Variants in NLRP11 observed in about 807,000 individuals in gnomAD.
NLRP11 encodes NLR family pyrin domain containing 11.
A neutral mutation model predicts 79.3 loss-of-function variants in NLRP11; 53 were observed. That is an observed-to-expected ratio of 0.67 (90% CI 0.54 to 0.84). The LOEUF (loss-of-function observed/expected upper bound fraction) is 0.84, where lower values mean the gene tolerates loss of function less well. NLRP11 is among the 40% of genes least tolerant of loss of function. NLRP11 has a pLI of 0.00. For synonymous variants in NLRP11, 518 were observed against 462.6 expected, an observed-to-expected ratio of 1.12 and a Z score of -1.54; for missense variants, 1,264 against 1,255.0, an observed-to-expected ratio of 1.01 and a Z score of -0.11.
At chr19:55,794,781 G>A (rs299187) in intron 6 of NLRP11, among the ~76,000 whole-genome samples, 113,794 of 151,880 alleles carry the variant, frequency 0.75, 42,887 homozygotes, top group Admixed American at 0.78. Flanking sequence ...ATAAATAAAA[G>A]CATACATAAT....
upstream of NLRP11, among the ~76,000 whole-genome samples, chr19:55,836,064 C>G (rs1233064903): frequency 1.3e-5 from 2 of 152,206 alleles, no homozygotes; most frequent in Admixed American, 1.3e-4. Flanking sequence ...GTGGAGGTTA[C>G]AGTGGGCCGA....
chr19:55,797,794 G>C (rs1979071329), intron 5 of NLRP11, among the ~76,000 whole-genome samples: 2 of 152,126 alleles, frequency 1.3e-5, no homozygotes, highest in Non-Finnish European at 1.5e-5. Flanking sequence ...ACAGAAACTT[G>C]AGAGAAGAGG....
At chr19:55,808,917 G>C (rs773504710) in exon 3 of NLRP11, 5 of 1,613,908 alleles carry the variant, frequency 3.1e-6, no homozygotes, top group Middle Eastern at 1.6e-4. Context: ...ACCTCCATGA[G>C]AGCATCCACA....
At chr19:55,792,941 T>C (rs893179108) in intron 6 of NLRP11, among the ~76,000 whole-genome samples, 2 of 152,234 alleles carry the variant, frequency 1.3e-5, no homozygotes, top group African/African-American at 4.8e-5. Flanking sequence ...TTTTGTGGTA[T>C]CCCGTTTTGT....
At position 55,831,368 on chromosome 19, in the gene NLRP11, C is replaced by A. The variant is rs1982772483; in HGVS notation, c.-63+595G>T. On this transcript the variant is annotated intron_variant, in intron 1 of 9. Transcript: ENST00000589093. Reference sequence around the variant, plus strand: ...CTTGAGGTCAGGAGTTCGAGACCAGCCTAGACAACATGGCGAAACCCCATC... The same window carrying A: ...CTTGAGGTCAGGAGTTCGAGACCAGACTAGACAACATGGCGAAACCCCATC... 4.6e-5 allele frequency among the ~76,000 whole-genome samples: 7 copies of A among 151,650 alleles called. No individual in the cohort carries two copies. In the South Asian group the frequency reaches 1.5e-3, roughly 32 times the overall value.
intron 7 of NLRP11, 45 bp downstream of exon 7, chr19:55,792,256 A>G: frequency 6.4e-7 from 1 of 1,558,440 alleles, no homozygotes; most frequent in Middle Eastern, 1.7e-4. Flanking sequence ...CCAAGCCCTC[A>G]TGCAGTAGAA....
chr19:55,822,219 G>C (rs1981811980), intron 1 of NLRP11, among the ~76,000 whole-genome samples: 1 of 152,174 alleles, frequency 6.6e-6, no homozygotes, highest in Non-Finnish European at 1.5e-5. Context: ...AGCTGAGATA[G>C]TGCCACTGCA....
At chr19:55,802,770 A>G (rs1412457931) in intron 4 of NLRP11, among the ~76,000 whole-genome samples, 1 of 152,228 alleles carries the variant, frequency 6.6e-6, no homozygotes, top group African/African-American at 2.4e-5. Context: ...CAACTATACT[A>G]TAGGGCTATG....
intron 7 of NLRP11, 95 bp downstream of exon 7, chr19:55,792,206 G>T: frequency 9.6e-7 from 1 of 1,036,744 alleles, no homozygotes; most frequent in Non-Finnish European, 1.5e-6. Context: ...CACCCATGAT[G>T]CCATCACTGG....
At chr19:55,807,289 A>G (rs925408561) in intron 4 of NLRP11, among the ~76,000 whole-genome samples, 1 of 152,050 alleles carries the variant, frequency 6.6e-6, no homozygotes, top group African/African-American at 2.4e-5. Context: ...GCTATTATAA[A>G]CTCAGATAAA....
chr19:55,829,135 T>C (rs1982503428), intron 1 of NLRP11, among the ~76,000 whole-genome samples: 1 of 152,122 alleles, frequency 6.6e-6, no homozygotes, highest in South Asian at 2.1e-4. Flanking sequence ...AACAGTGTTT[T>C]GCCTTTTGAG....
chr19:55,810,390 G>C, intron 2 of NLRP11, 52 bp from the exon 3 acceptor site: 1 of 1,513,628 alleles, frequency 6.6e-7, no homozygotes, highest in African/African-American at 1.4e-5. Flanking sequence ...GAAAGTTCAA[G>C]ATGTAAAAAC....
rs1415652055 is a variant in NLRP11, at chr19:55,810,451, C to T, written c.272-113G>A. 5 of 829,358 alleles carry T rather than the reference C, an allele frequency of 6.0e-6. No individual in the cohort carries two copies. In the East Asian group the frequency reaches 1.1e-4, roughly 17 times the overall value. The allele number at this position is 829,358 out of a possible 1,614,324, so 51.4% of individuals were successfully genotyped here. Reference sequence around the variant, plus strand: ...AGTAAAAATATAGTAGAAATTTTTACTTACTACTGCTTATCACAAAGATAT... The same window carrying T: ...AGTAAAAATATAGTAGAAATTTTTATTTACTACTGCTTATCACAAAGATAT... On this transcript the variant is annotated intron_variant, in intron 2 of 9. Coordinates refer to ENST00000589093, the Ensembl canonical transcript of NLRP11.
intron 3 of NLRP11, among the ~76,000 whole-genome samples, chr19:55,808,384 T>C (rs1220232814): frequency 6.6e-6 from 1 of 152,222 alleles, no homozygotes; most frequent in East Asian, 1.9e-4. Flanking sequence ...GAAATTAGGT[T>C]AAACCACTGG....
At chr19:55,790,037 G>A (rs1036137479) in intron 7 of NLRP11, among the ~76,000 whole-genome samples, 10 of 152,036 alleles carry the variant, frequency 6.6e-5, no homozygotes, top group African/African-American at 2.4e-4. Flanking sequence ...GCTCTGCACC[G>A]ACTATTCATT....
intron 1 of NLRP11, among the ~76,000 whole-genome samples, chr19:55,819,524 T>C (rs929843335): frequency 6.6e-6 from 1 of 152,032 alleles, no homozygotes; most frequent in Non-Finnish European, 1.5e-5. Context: ...CCCAACACAG[T>C]CAAGGCTCTC....
intron 5 of NLRP11, among the ~76,000 whole-genome samples, chr19:55,798,503 C>T (rs541072763): frequency 5.9e-5 from 9 of 151,920 alleles, no homozygotes; most frequent in Non-Finnish European, 1.3e-4. Context: ...ACACTGGGGC[C>T]GACTTGAGGG....
intron 1 of NLRP11, among the ~76,000 whole-genome samples, chr19:55,829,698 GA>G (rs1982566298): frequency 7.7e-6 from 1 of 129,144 alleles, no homozygotes; most frequent in African/African-American, 2.8e-5. Flanking sequence ...GTACTTTAAA[GA>G]ACACAAGAAA....
chr19:55,794,560 A>T (rs947814676), intron 6 of NLRP11, among the ~76,000 whole-genome samples: 13 of 152,166 alleles, frequency 8.5e-5, no homozygotes, highest in Non-Finnish European at 1.8e-4. Context: ...GGAGATCGAG[A>T]CCATCCTGGC....
Sources: allele counts gnomAD v4.1 joint callset (sites outside exome capture counted in the v4.1 genomes callset), GRCh38; gene constraint gnomAD v4.1.1; transcripts MANE v1.5; gene names NCBI Gene and HGNC (gene_info 2026-07-23, HGNC 2026-07-21).